EVL: variants seen among roughly 807,000 people sequenced by gnomAD.
EVL encodes the protein Enah/Vasp-like.
Under a neutral mutation model 59.6 loss-of-function variants are expected in EVL, and 21 were observed. The ratio of observed to expected loss-of-function variants is 0.35; its 90% CI spans 0.25 to 0.51. The LOEUF (loss-of-function observed/expected upper bound fraction) is 0.51. Ranked by LOEUF, EVL falls within the 20% of genes least tolerant of loss-of-function variation. The probability of loss-of-function intolerance (pLI) is 0.97; values close to 1 mark genes in which losing one functional copy is unlikely to be tolerated. For missense variants in EVL, 462 were observed against 546.6 expected, an observed-to-expected ratio of 0.85 and a Z score of 1.54; for synonymous variants, 198 against 203.5, an observed-to-expected ratio of 0.97 and a Z score of 0.23.
At chr14:100,011,783 A>G (rs914512096) in intron 1 of EVL, among the ~76,000 whole-genome samples, 4 of 152,226 alleles carry the variant, frequency 2.6e-5, no homozygotes, top group African/African-American at 9.6e-5. Context: ...GCCTGGATGA[A>G]GACTTAAAAT....
At chr14:100,009,724 A>G (rs2061004493) in intron 1 of EVL, among the ~76,000 whole-genome samples, 1 of 152,234 alleles carries the variant, frequency 6.6e-6, no homozygotes, top group Non-Finnish European at 1.5e-5. Flanking sequence ...TGACACAGTC[A>G]TGAGAACATG....
At chr14:100,091,849 T>A (rs898505921) in intron 2 of EVL, among the ~76,000 whole-genome samples, 1 of 152,206 alleles carries the variant, frequency 6.6e-6, no homozygotes, top group Non-Finnish European at 1.5e-5. Flanking sequence ...CCGTGGAACC[T>A]GATGCTGTCT....
intron 2 of EVL, among the ~76,000 whole-genome samples, chr14:100,087,386 G>A (rs1018834740): frequency 6.6e-6 from 1 of 152,206 alleles, no homozygotes; most frequent in African/African-American, 2.4e-5. Context: ...GGCCAAGGCA[G>A]GTGGATCACT....
In EVL at chr14:100,059,597, T is replaced by A. The variant is rs113447896; in HGVS notation, c.6-25090T>A. Among the ~76,000 whole-genome samples the A allele has an allele frequency of 6.2e-3, 948 of 152,264 alleles. 9 individuals carry two copies. The highest frequency in any genetic ancestry group is 0.022 in the African/African-American group (913 of 41,524). ...AGCTGAATGATGATGCCAGAGGTCA[T>A]TCAGTTCTGGGAGATGTTGCAGATC... On this transcript the variant is annotated intron_variant, in intron 1 of 13. Coordinates refer to the EVL transcript ENST00000402714.
chr14:99,988,839 A>T (rs2140176415), intron 1 of EVL, among the ~76,000 whole-genome samples: 1 of 152,370 alleles, frequency 6.6e-6, no homozygotes, highest in East Asian at 1.9e-4. Flanking sequence ...GATTCCATTT[A>T]CATGAAATGT....
intron 1 of EVL, among the ~76,000 whole-genome samples, chr14:99,973,642 T>C (rs2060750297): frequency 1.3e-5 from 2 of 152,194 alleles, no homozygotes; most frequent in Non-Finnish European, 2.9e-5. Flanking sequence ...TTTGTATTTT[T>C]AGTAGAGACG....
chr14:100,137,910 A>G, intron 11 of EVL, 108 bp downstream of exon 11: 1 of 1,141,410 alleles, frequency 8.8e-7, no homozygotes, highest in Non-Finnish European at 1.3e-6. Flanking sequence ...GGCATTTAAC[A>G]ACTTGCTCTG....
chr14:100,028,622 T>A (rs1033644767), intron 1 of EVL, among the ~76,000 whole-genome samples: 5 of 151,944 alleles, frequency 3.3e-5, no homozygotes, highest in Non-Finnish European at 7.4e-5. Context: ...GCCATCCTGG[T>A]CAACATGGTG....
At chr14:100,014,308 A>G (rs1455092872) in intron 1 of EVL, among the ~76,000 whole-genome samples, 1 of 152,010 alleles carries the variant, frequency 6.6e-6, no homozygotes, top group African/African-American at 2.4e-5. Flanking sequence ...CTTAAATTTA[A>G]TTTTTAGCTC....
intron 2 of EVL, among the ~76,000 whole-genome samples, chr14:100,088,485 C>A (rs1046256004): frequency 6.6e-6 from 1 of 152,172 alleles, no homozygotes; most frequent in African/African-American, 2.4e-5. Flanking sequence ...CTACTACACA[C>A]CTAGGCTGTA....
At chr14:100,104,417 G>T (rs1886429266) in intron 3 of EVL, among the ~76,000 whole-genome samples, 1 of 152,156 alleles carries the variant, frequency 6.6e-6, no homozygotes, top group Non-Finnish European at 1.5e-5. Flanking sequence ...GGATTAATTG[G>T]TTATTTATGT....
intron 1 of EVL, among the ~76,000 whole-genome samples, chr14:100,011,432 G>A (rs1273867294): frequency 6.6e-6 from 1 of 152,144 alleles, no homozygotes; most frequent in Non-Finnish European, 1.5e-5. Flanking sequence ...TAACCTCAAA[G>A]ATTATGGTTT....
chr14:100,052,354 T>A (rs574664447), intron 1 of EVL, among the ~76,000 whole-genome samples: 1 of 152,354 alleles, frequency 6.6e-6, no homozygotes, highest in Admixed American at 6.5e-5. Flanking sequence ...ATTTATAAAT[T>A]TAATATATTG....
In EVL at chr14:100,141,240, G is replaced by A; in HGVS notation, c.1155G>A (p.Met385Ile). The A allele has an allele frequency of 6.2e-7, 1 of 1,613,840 alleles. No individual in the cohort carries two copies. The highest frequency in any genetic ancestry group is 8.5e-7 in the Non-Finnish European group (1 of 1,179,950). The change falls in exon 12 of 14, where the codon ATG becomes ATA. Residue 385 changes from methionine to isoleucine, a missense_variant. By Grantham distance (10) the Met-to-Ile change is conservative. Coordinates refer to ENST00000392920, the MANE Select transcript of EVL (RefSeq NM_016337.3). ...TGGATGCCTTCGACTTGGACCGGAT[G>A]AAGCAGGTGAGCATGCCCTGTGCCC... ...MALDAFDLDR[M>I]KQEILEEVVR...
At chr14:100,094,959 T>C (rs1028624458) in intron 2 of EVL, among the ~76,000 whole-genome samples, 15 of 151,620 alleles carry the variant, frequency 9.9e-5, no homozygotes, top group African/African-American at 3.2e-4. Context: ...GAGAAACGTT[T>C]GAACCCGGGA....
chr14:99,976,704 A>G (rs1279586284), intron 1 of EVL, among the ~76,000 whole-genome samples: 1 of 152,150 alleles, frequency 6.6e-6, no homozygotes, highest in Non-Finnish European at 1.5e-5. Flanking sequence ...AGTTTCAGGG[A>G]TTGAAATATC....
intron 3 of EVL, among the ~76,000 whole-genome samples, chr14:100,104,485 A>T (rs1223069662): frequency 2.6e-5 from 4 of 152,208 alleles, no homozygotes; most frequent in Non-Finnish European, 5.9e-5. Flanking sequence ...TAATTGGTGA[A>T]GGTGGCCACT....
Position 100,108,835 on chromosome 14 carries a change from A to G in EVL, c.358+11177A>G, listed in dbSNP as rs1273842754. On this transcript the variant is annotated intron_variant, in intron 3 of 13. Coordinates refer to ENST00000392920, the MANE Select transcript of EVL (RefSeq NM_016337.3). This position sits in a 1 kb window ranked among gnomAD's most constrained non-coding sequence, Gnocchi z 4.1. ...GCCTCTGTCCTAACAGTCAGCTGCC[A>G]CTTGGCCTGTCCTGCTATTCCCACT... Among the ~76,000 whole-genome samples the G allele has an allele frequency of 6.6e-6, 1 of 152,184 alleles. No homozygotes were observed. Among genetic ancestry groups the G allele is most frequent in the Non-Finnish European group, 1.5e-5 (1 of 68,034 alleles).
chr14:99,985,456 G>A (rs1424321974), intron 1 of EVL, among the ~76,000 whole-genome samples: 1 of 151,966 alleles, frequency 6.6e-6, no homozygotes, highest in East Asian at 1.9e-4. Flanking sequence ...AGTAAGTCTT[G>A]CCTTTTCTTG....
Sources: allele counts gnomAD v4.1 joint callset (sites outside exome capture counted in the v4.1 genomes callset), GRCh38; gene constraint gnomAD v4.1.1; non-coding constraint Gnocchi (gnomAD v3.1); transcripts MANE v1.5; gene names NCBI Gene and HGNC (gene_info 2026-07-23, HGNC 2026-07-21).